GPC6: variants seen among roughly 807,000 people sequenced by gnomAD.
GPC6 encodes the protein glypican 6, also known as glypican-6.
Under a neutral mutation model 55.2 loss-of-function variants are expected in GPC6, and 14 were observed. The observed-to-expected ratio is 0.25, with a 90% CI of 0.17 to 0.40. The LOEUF is 0.40. Ranked by LOEUF, GPC6 falls within the 10% of genes least tolerant of loss-of-function variation. GPC6 has a pLI of 1.00. For synonymous variants in GPC6, 278 were observed against 259.6 expected (o/e 1.07, Z -0.68); for missense variants, 641 against 708.5 (o/e 0.90, Z 1.08).
chr13:93,825,600 A>T (rs1369036834), intron 2 of GPC6, among the ~76,000 whole-genome samples: 4 of 152,188 alleles, frequency 2.6e-5, no homozygotes, highest in African/African-American at 9.6e-5. Context: ...GTCTCCCTTC[A>T]TTAACGCTCC....
chr13:94,315,946 A>ATT (rs539717985), intron 6 of GPC6, among the ~76,000 whole-genome samples: 1 of 137,678 alleles, frequency 7.3e-6, no homozygotes, highest in Admixed American at 7.0e-5. Context: ...ACATTATGAG[A>ATT]TTTTTTTTTA....
chr13:93,645,017 TAGGACTGA>T (rs1483107961), intron 2 of GPC6, among the ~76,000 whole-genome samples: 2 of 151,800 alleles, frequency 1.3e-5, no homozygotes, highest in East Asian at 3.9e-4. Flanking sequence ...AAGGTTACAG[TAGGACTGA>T]AGGGAAGAAC....
chr13:93,817,314 T>C (rs1886887494), intron 2 of GPC6, among the ~76,000 whole-genome samples: 1 of 152,228 alleles, frequency 6.6e-6, no homozygotes, highest in Admixed American at 6.5e-5. Flanking sequence ...AAAATAATTA[T>C]AAACGTAACA....
intron 1 of GPC6, among the ~76,000 whole-genome samples, chr13:93,340,026 CTTTTTTTTTT>C (rs10714044): frequency 2.6e-4 from 21 of 81,618 alleles, no homozygotes; most frequent in Admixed American, 5.9e-4. Context: ...AGTTTTCTTT[CTTTTTTTTTT>C]TTTTTTTTTT....
chr13:93,984,766 G>A (rs1880950465), intron 3 of GPC6, among the ~76,000 whole-genome samples: 1 of 152,076 alleles, frequency 6.6e-6, no homozygotes, highest in Non-Finnish European at 1.5e-5. Flanking sequence ...GGCATACTTA[G>A]GAATCATCTG....
chr13:93,530,529 G>A (rs1341681810), intron 1 of GPC6, among the ~76,000 whole-genome samples: 1 of 152,072 alleles, frequency 6.6e-6, no homozygotes, highest in African/African-American at 2.4e-5. Context: ...TCAATTAAGT[G>A]AAAGAAGGAG....
At chr13:93,568,798 C>A (rs1480935322) in intron 2 of GPC6, among the ~76,000 whole-genome samples, 1 of 152,164 alleles carries the variant, frequency 6.6e-6, no homozygotes, top group Non-Finnish European at 1.5e-5. Context: ...ACATTGATTT[C>A]ATCAGTATTT....
intron 3 of GPC6, among the ~76,000 whole-genome samples, chr13:93,864,568 T>C (rs1293419718): frequency 1.3e-5 from 2 of 151,718 alleles, no homozygotes; most frequent in African/African-American, 4.8e-5. Context: ...TCTTTTGCAC[T>C]CCAGAGGATG....
chr13:93,541,254 C>T (rs558783139), intron 1 of GPC6, among the ~76,000 whole-genome samples: 59 of 146,216 alleles, frequency 4.0e-4, no homozygotes, highest in African/African-American at 1.4e-3. Flanking sequence ...CAATTCCCAC[C>T]TATGAGTGAG....
chr13:93,239,900 C>T (rs1381010355), intron 1 of GPC6, among the ~76,000 whole-genome samples: 3 of 152,066 alleles, frequency 2.0e-5, no homozygotes, highest in Admixed American at 6.6e-5. Flanking sequence ...AAAAGTCCTT[C>T]AGGAGCAGAT....
chr13:93,538,153 T>G (rs928175044), intron 1 of GPC6, among the ~76,000 whole-genome samples: 1 of 151,722 alleles, frequency 6.6e-6, no homozygotes, highest in Non-Finnish European at 1.5e-5. Context: ...AAAAAAAAAA[T>G]GTAGTGGCCA....
chr13:93,600,237 T>C (rs1267689552), intron 2 of GPC6, among the ~76,000 whole-genome samples: 1 of 152,210 alleles, frequency 6.6e-6, no homozygotes, highest in East Asian at 1.9e-4. Flanking sequence ...GCATCAAGGA[T>C]CACAGGACCT....
At chr13:93,419,907 G>A (rs535140661) in intron 1 of GPC6, among the ~76,000 whole-genome samples, 114 of 152,252 alleles carry the variant, frequency 7.5e-4, no homozygotes, top group Non-Finnish European at 1.5e-3. Context: ...ATTATATTGG[G>A]AGGGAAAGAG....
intron 3 of GPC6, among the ~76,000 whole-genome samples, chr13:93,992,373 G>T (rs1213457424): frequency 6.6e-6 from 1 of 152,116 alleles, no homozygotes; most frequent in East Asian, 1.9e-4. Context: ...GAAGGGTAGA[G>T]CTGGTTCCTT....
intron 4 of GPC6, among the ~76,000 whole-genome samples, chr13:94,186,090 A>G (rs1356090813): frequency 3.2e-5 from 4 of 126,210 alleles, no homozygotes; most frequent in African/African-American, 8.7e-5. Context: ...AGGTTTTCTT[A>G]CTGAGAAATT....
At chr13:93,403,359 C>A (rs1876161758) in intron 1 of GPC6, among the ~76,000 whole-genome samples, 1 of 152,120 alleles carries the variant, frequency 6.6e-6, no homozygotes, top group African/African-American at 2.4e-5. Flanking sequence ...AGTAAAAGTT[C>A]AAGAGCGGTT....
At chr13:94,168,187 AAACC>A (rs1375319824) in intron 4 of GPC6, among the ~76,000 whole-genome samples, 7 of 152,238 alleles carry the variant, frequency 4.6e-5, no homozygotes, top group Non-Finnish European at 1.0e-4. Context: ...TCTGGCTCCA[AAACC>A]TGCCCTCTTT....
chr13:93,567,964 G>A (rs939382346), intron 2 of GPC6, among the ~76,000 whole-genome samples: 2 of 152,158 alleles, frequency 1.3e-5, no homozygotes, highest in Admixed American at 1.3e-4. Context: ...CATGACCCAA[G>A]AATAGCAACT....
In GPC6 at chr13:94,015,918, A is replaced by G. The variant is rs567773257; in HGVS notation, c.712-11811A>G. On this transcript the variant is annotated intron_variant, in intron 3 of 8. Transcript: ENST00000377047. ...TTGCTATTTTACAAAAATGCATAACACTCTTAGAATTTTTTGACAGTACAT... is the reference window on the plus strand; with the variant it reads ...TTGCTATTTTACAAAAATGCATAACGCTCTTAGAATTTTTTGACAGTACAT... Among the ~76,000 whole-genome samples, 60 of 152,268 alleles carry G rather than the reference A, an allele frequency of 3.9e-4. No homozygotes were observed. In the East Asian group the frequency reaches 0.011, roughly 28 times the overall value.
Sources: gnomAD v4.1 joint callset for allele counts (sites outside exome capture counted in the v4.1 genomes callset) on GRCh38, gnomAD v4.1.1 for gene constraint, MANE v1.5 for transcripts, NCBI Gene and HGNC (gene_info 2026-07-23, HGNC 2026-07-21) for gene names.